Variants in NALF1 observed in about 807,000 individuals in gnomAD.
The protein encoded by NALF1 is family with sequence similarity 155 member A.
NALF1 carries 3 observed loss-of-function variants against 48.4 expected under a neutral mutation model. That is an observed-to-expected ratio of 0.06 (90% CI 0.03 to 0.16). The LOEUF (loss-of-function observed/expected upper bound fraction) is 0.16, where lower values mean the gene tolerates loss of function less well. Among genes scored for constraint, NALF1 ranks in the 10% least tolerant of loss-of-function variants. The pLI is 1.00. For missense variants in NALF1, 526 were observed against 571.5 expected, an observed-to-expected ratio of 0.92 and a Z score of 0.81; for synonymous variants, 262 against 245.7, an observed-to-expected ratio of 1.07 and a Z score of -0.62.
chr13:107,238,535 G>A (rs928470941), intron 1 of NALF1, among the ~76,000 whole-genome samples: 12 of 152,114 alleles, frequency 7.9e-5, no homozygotes, highest in South Asian at 2.1e-4. Context: ...CCATTTAATC[G>A]AAGGTAAAAA....
chr13:107,472,280 G>T (rs1219297300), intron 1 of NALF1, among the ~76,000 whole-genome samples: 1 of 152,208 alleles, frequency 6.6e-6, no homozygotes, highest in Non-Finnish European at 1.5e-5. Flanking sequence ...AGTGAGCTGA[G>T]ATCGTGCCAT....
chr13:107,613,514 G>A (rs1238906685), intron 1 of NALF1, among the ~76,000 whole-genome samples: 2 of 152,178 alleles, frequency 1.3e-5, no homozygotes, highest in Non-Finnish European at 2.9e-5. Flanking sequence ...TGGAGTGATT[G>A]AAATTAAAGT....
chr13:107,749,813 T>G (rs931391119), intron 1 of NALF1, among the ~76,000 whole-genome samples: 1 of 126,418 alleles, frequency 7.9e-6, no homozygotes, highest in Non-Finnish European at 1.8e-5. Context: ...TGTGGTGGTT[T>G]GTTTGTTTGT....
intron 1 of NALF1, among the ~76,000 whole-genome samples, chr13:107,755,053 A>C (rs1877055596): frequency 6.6e-6 from 1 of 152,196 alleles, no homozygotes; most frequent in Non-Finnish European, 1.5e-5. Flanking sequence ...CCTCAGCTCT[A>C]AAATTGTTGA....
At position 107,748,799 on chromosome 13, in the gene NALF1, T is replaced by C. The variant is rs117615579; in HGVS notation, c.915+116883A>G. 8.8e-3 allele frequency among the ~76,000 whole-genome samples: 1,333 copies of C among 152,328 alleles called. 10 individuals carry two copies. The highest frequency in any genetic ancestry group is 0.014 in the Non-Finnish European group (976 of 68,030). ...ACACATTATTTGATTAATTATATTA[T>C]TTGGGTTTTACCCACAAAGGATGAG... is the stretch of plus-strand genomic sequence containing the variant. On this transcript the variant is annotated intron_variant, in intron 1 of 2. Coordinates refer to ENST00000375915, the MANE Select transcript of NALF1 (RefSeq NM_001080396.3).
chr13:107,359,567 T>G (rs1350948079), intron 1 of NALF1, among the ~76,000 whole-genome samples: 2 of 152,042 alleles, frequency 1.3e-5, no homozygotes, highest in African/African-American at 4.8e-5. Flanking sequence ...TTTTGCTCTC[T>G]AAAAGTTTTG....
intron 1 of NALF1, among the ~76,000 whole-genome samples, chr13:107,556,296 T>A (rs4442649): frequency 3.0e-5 from 3 of 98,580 alleles, no homozygotes; most frequent in Non-Finnish European, 6.2e-5. Flanking sequence ...TATATATATA[T>A]ACACACACAC....
chr13:107,602,063 G>T (rs372814702), intron 1 of NALF1, among the ~76,000 whole-genome samples: 1 of 152,036 alleles, frequency 6.6e-6, no homozygotes, highest in Admixed American at 6.6e-5. Context: ...GTATAGAAAG[G>T]TCTCTGAACT....
At chr13:107,340,408 T>C (rs554835279) in intron 1 of NALF1, among the ~76,000 whole-genome samples, 40 of 149,374 alleles carry the variant, frequency 2.7e-4, no homozygotes, top group African/African-American at 9.7e-4. Context: ...CCCAAAGTGC[T>C]GGAATTACAG....
At chr13:107,349,250 G>T (rs1419553938) in intron 1 of NALF1, among the ~76,000 whole-genome samples, 1 of 152,128 alleles carries the variant, frequency 6.6e-6, no homozygotes, top group Admixed American at 6.5e-5. Context: ...GGTGTCCTTT[G>T]CTGAACTAAT....
At chr13:107,498,550 T>A (rs549865507) in intron 1 of NALF1, among the ~76,000 whole-genome samples, 3 of 152,168 alleles carry the variant, frequency 2.0e-5, no homozygotes, top group African/African-American at 4.8e-5. Context: ...GGGAAAGATA[T>A]CTGTTGATGC....
chr13:107,567,406 A>G (rs1183914749), intron 1 of NALF1, among the ~76,000 whole-genome samples: 1 of 152,254 alleles, frequency 6.6e-6, no homozygotes, highest in Non-Finnish European at 1.5e-5. Flanking sequence ...AATTAATTAG[A>G]CATTAAGCAA....
At chr13:107,518,703 A>G (rs1318711296) in intron 1 of NALF1, among the ~76,000 whole-genome samples, 1 of 152,194 alleles carries the variant, frequency 6.6e-6, no homozygotes, top group East Asian at 1.9e-4. Flanking sequence ...CTGCTTTAGA[A>G]GAAGAAATAA....
At chr13:107,497,854 A>G (rs1875390414) in intron 1 of NALF1, among the ~76,000 whole-genome samples, 1 of 152,196 alleles carries the variant, frequency 6.6e-6, no homozygotes, top group Non-Finnish European at 1.5e-5. Flanking sequence ...TGCATCTGAT[A>G]ATTAAATACA....
In NALF1 at chr13:107,865,669, C is replaced by G; in HGVS notation, c.915+13G>C. The G allele has an allele frequency of 6.2e-6, 10 of 1,608,254 alleles. No individual in the cohort carries two copies. The highest frequency in any genetic ancestry group is 6.8e-6 in the Non-Finnish European group (8 of 1,175,768). The stretch of plus-strand genomic sequence containing the variant: ...AAAGTGCAGGAAAGGGGGAAACCCC[C>G]GAGGGTTCCTACCTTACAGTCTTCA... On this transcript the variant is annotated intron_variant, in intron 1 of 2. Transcript: ENST00000375915.
intron 1 of NALF1, among the ~76,000 whole-genome samples, chr13:107,299,824 C>T (rs1019493584): frequency 6.6e-6 from 1 of 151,872 alleles, no homozygotes; most frequent in Non-Finnish European, 1.5e-5. Context: ...CTACTTTGTC[C>T]CTGGGAATTT....
intron 1 of NALF1, among the ~76,000 whole-genome samples, chr13:107,601,186 T>C (rs1463405175): frequency 6.6e-6 from 1 of 152,068 alleles, no homozygotes; most frequent in African/African-American, 2.4e-5. Context: ...CGACCTCAGA[T>C]TGAAGAAACC....
intron 1 of NALF1, among the ~76,000 whole-genome samples, chr13:107,229,743 A>G (rs1880180935): frequency 6.6e-6 from 1 of 152,292 alleles, no homozygotes; most frequent in Non-Finnish European, 1.5e-5. Flanking sequence ...TAAGTGCTTA[A>G]TTGGGTTTTG....
chr13:107,612,162 A>AGAGGAAG (rs1295323131), intron 1 of NALF1, among the ~76,000 whole-genome samples: 8 of 133,212 alleles, frequency 6.0e-5, no homozygotes, highest in Non-Finnish European at 1.3e-4. Flanking sequence ...TGGGAGGGAG[A>AGAGGAAG]GAGGAAGGAA....
Sources: allele counts gnomAD v4.1 joint callset (sites outside exome capture counted in the v4.1 genomes callset), GRCh38; gene constraint gnomAD v4.1.1; transcripts MANE v1.5; gene names NCBI Gene and HGNC (gene_info 2026-07-23, HGNC 2026-07-21).